Variants in CLSPN observed in about 807,000 individuals in gnomAD.
The protein encoded by CLSPN is claspin homolog.
In CLSPN, 85 loss-of-function variants were observed where a neutral mutation model predicts 156.3. That is an observed-to-expected ratio of 0.54 (90% CI 0.46 to 0.65). CLSPN has a LOEUF of 0.65. CLSPN is among the 30% of genes least tolerant of loss of function. CLSPN has a pLI of 0.00. For synonymous variants in CLSPN, 534 were observed against 542.4 expected (o/e 0.98, Z 0.22); for missense variants, 1,407 against 1,554.9 (o/e 0.90, Z 1.60).
chr1:35,736,763 A>T, intron 24 of CLSPN, 151 bp downstream of exon 24: 1 of 1,299,222 alleles, frequency 7.7e-7, no homozygotes, highest in Non-Finnish European at 1.0e-6. Flanking sequence ...TTGATTACCG[A>T]CTGGGGTAGC....
rs74064283 is a variant in CLSPN, at chr1:35,737,151, C to G, written c.3748-76G>C. 1.0e-5 allele frequency: 15 copies of G among 1,451,650 alleles called. No individual in the cohort carries two copies. The African/African-American group carries it at 2.1e-4, about 20-fold the overall frequency. 89.9% of individuals were successfully genotyped at this position (1,451,650 alleles called of 1,614,324 possible). A position where few individuals can be genotyped will look rare whatever the true frequency, so the allele number is the denominator to read the frequency against. On this transcript the variant is annotated intron_variant, in intron 23 of 24. Coordinates refer to ENST00000318121, the MANE Select transcript of CLSPN (RefSeq NM_022111.4). The stretch of plus-strand genomic sequence containing the variant: ...ATGAAAAGTCCTTCCCTCCCTGCTT[C>G]CCCCTAGATATTGAGGGTACATATG...
chr1:35,741,208 CA>C (rs1641678282), intron 18 of CLSPN, among the ~76,000 whole-genome samples: 1 of 152,054 alleles, frequency 6.6e-6, no homozygotes, highest in Non-Finnish European at 1.5e-5. Context: ...GTACAAATCT[CA>C]ACTATATAAA....
rs1641963567 is a variant in CLSPN, at chr1:35,748,389, A to T, written c.2472+16T>A. The T allele has an allele frequency of 6.2e-7, 1 of 1,610,762 alleles. No individual in the cohort carries two copies. The highest frequency in any genetic ancestry group is 1.3e-5 in the African/African-American group (1 of 74,816). ...GCAAAGAGAGGAGGAGATTAGAAAA[A>T]CCATTACCATCTTACCTTAGAAGCT... is the stretch of plus-strand genomic sequence containing the variant. On this transcript the variant is annotated intron_variant, in intron 13 of 24. Coordinates refer to ENST00000318121, the MANE Select transcript of CLSPN (RefSeq NM_022111.4).
Position 35,748,621 on chromosome 1 carries a change from AC to A in CLSPN, c.2273-18del. 6.2e-7 allele frequency: 1 copy of A among 1,600,976 alleles called. No individual in the cohort carries two copies. ...CATCCTCATCTAAAGAAAGAGAAAC[AC>A]CTTTTAAGCACATGATTACAGAAAT... On this transcript the variant is annotated intron_variant, in intron 12 of 24. Coordinates refer to ENST00000318121, the MANE Select transcript of CLSPN (RefSeq NM_022111.4).
Position 35,734,291 on chromosome 1 carries a change from A to C in CLSPN, c.*2205T>G. The C allele has an allele frequency of 1.0e-6, 1 of 985,192 alleles. No homozygotes were observed. The highest frequency in any genetic ancestry group is 1.2e-6 in the Non-Finnish European group (1 of 829,678). The allele number at this position is 985,192 out of a possible 1,614,324, so 61.0% of individuals were successfully genotyped here. A position where few individuals can be genotyped will look rare whatever the true frequency, so the allele number is the denominator to read the frequency against. ...TAAGATTTATTGAAAAACTACATACATATTAAAACATCTTTATACACATTT... is the reference window on the plus strand; with the variant it reads ...TAAGATTTATTGAAAAACTACATACCTATTAAAACATCTTTATACACATTT... On this transcript the variant is annotated 3_prime_UTR_variant, in exon 25 of 25. Coordinates refer to ENST00000318121, the MANE Select transcript of CLSPN (RefSeq NM_022111.4).
chr1:35,759,991 G>A lies in CLSPN; in HGVS notation c.1579+351C>T, dbSNP rs371106261. On this transcript the variant is annotated intron_variant, in intron 8 of 24. Transcript: ENST00000318121. ...TAGGACTACAGATGCGTGCCACCATGCCCGGCTAATTTTTGTATTTTTAGT... is the reference window on the plus strand; with the variant it reads ...TAGGACTACAGATGCGTGCCACCATACCCGGCTAATTTTTGTATTTTTAGT... Among the ~76,000 whole-genome samples, 24 of 152,080 alleles carry A rather than the reference G, an allele frequency of 1.6e-4. 2 individuals are homozygous for A. Among genetic ancestry groups the A allele is most frequent in the East Asian group, 1.5e-3 (8 of 5,174 alleles).
At chr1:35,731,074 C>T (rs1280891775), downstream of CLSPN, among the ~76,000 whole-genome samples, 3 of 151,760 alleles carry the variant, frequency 2.0e-5, no homozygotes, top group African/African-American at 7.3e-5. Context: ...GTGGCGCATG[C>T]CTGTAATCCC....
chr1:35,729,138 G>A (rs970688809), downstream of CLSPN, among the ~76,000 whole-genome samples: 3 of 151,884 alleles, frequency 2.0e-5, no homozygotes, highest in African/African-American at 7.3e-5. Flanking sequence ...TGGGCAGTCA[G>A]CCTTTTTCCT....
At chr1:35,729,917 A>C (rs780397230), downstream of CLSPN, among the ~76,000 whole-genome samples, 3 of 152,226 alleles carry the variant, frequency 2.0e-5, no homozygotes, top group Non-Finnish European at 2.9e-5. Context: ...CAGTTGAGGA[A>C]AAAAGAGACT....
chr1:35,726,315 G>A (rs532937556), intron 24 of CLSPN, among the ~76,000 whole-genome samples: 2 of 152,246 alleles, frequency 1.3e-5, no homozygotes, highest in African/African-American at 4.8e-5. Context: ...TAGTATGCTT[G>A]CTGCTGTCAC....
chr1:35,757,491 C>T (rs1642311921), intron 8 of CLSPN, among the ~76,000 whole-genome samples: 1 of 152,160 alleles, frequency 6.6e-6, no homozygotes, highest in Non-Finnish European at 1.5e-5. Context: ...CTGTGTAGGT[C>T]CCTTTATAAG....
intron 16 of CLSPN, among the ~76,000 whole-genome samples, chr1:35,744,140 T>G (rs904993002): frequency 1.3e-5 from 2 of 152,190 alleles, no homozygotes; most frequent in African/African-American, 4.8e-5. Flanking sequence ...ACTCTCCATT[T>G]CCTTATAACC....
In CLSPN at chr1:35,734,859, T is replaced by C. The variant is rs970296199; in HGVS notation, c.*1637A>G. 14 of 985,436 alleles carry C rather than the reference T, an allele frequency of 1.4e-5. No individual in the cohort carries two copies. The African/African-American group carries it at 1.6e-4, about 11-fold the overall frequency. The allele number at this position is 985,436 out of a possible 1,614,324, so 61.0% of individuals were successfully genotyped here. A position where few individuals can be genotyped will look rare whatever the true frequency, so the allele number is the denominator to read the frequency against. ...TGACACTGAAACCACAGTATTCACATGGAATGTTTTTCCAAAGCAGCACTG... is the reference window on the plus strand; with the variant it reads ...TGACACTGAAACCACAGTATTCACACGGAATGTTTTTCCAAAGCAGCACTG... On this transcript the variant is annotated 3_prime_UTR_variant, in exon 25 of 25. Transcript: ENST00000318121.
chr1:35,759,080 A>G (rs1207356564), intron 8 of CLSPN, among the ~76,000 whole-genome samples: 1 of 152,222 alleles, frequency 6.6e-6, no homozygotes, highest in Non-Finnish European at 1.5e-5. Flanking sequence ...CTCAAGGCAG[A>G]GTGGGGAGCA....
At position 35,766,580 on chromosome 1, in the gene CLSPN, G is replaced by T. The variant is rs573106536; in HGVS notation, c.25-1254C>A. Reference sequence around the variant, plus strand: ...CTGCCTCAGCCTCCCGAGTAGCTGGGATTACAGGCATGTGTCACCACGTCT... The same window carrying T: ...CTGCCTCAGCCTCCCGAGTAGCTGGTATTACAGGCATGTGTCACCACGTCT... On this transcript the variant is annotated intron_variant, in intron 1 of 24. Transcript: ENST00000318121. 9.2e-5 allele frequency among the ~76,000 whole-genome samples: 14 copies of T among 151,980 alleles called. No individual in the cohort carries two copies. The South Asian group carries it at 2.3e-3, about 25-fold the overall frequency.
chr1:35,751,773 C>G (rs1642094100), intron 9 of CLSPN, among the ~76,000 whole-genome samples: 1 of 148,798 alleles, frequency 6.7e-6, no homozygotes, highest in Admixed American at 6.7e-5. Flanking sequence ...AGCTTCAAGT[C>G]TGTGGCTCAA....
At chr1:35,765,677 G>A (rs1273895377) in intron 1 of CLSPN, among the ~76,000 whole-genome samples, 1 of 152,114 alleles carries the variant, frequency 6.6e-6, no homozygotes, top group East Asian at 1.9e-4. Context: ...ATTAATAAAT[G>A]ATAGAATTAG....
At chr1:35,745,336 G>A in intron 16 of CLSPN, 115 bp downstream of exon 16, 2 of 710,392 alleles carry the variant, frequency 2.8e-6, no homozygotes, top group Admixed American at 2.3e-5. Flanking sequence ...GCATATATGA[G>A]ACTCAAATCC....
At chr1:35,739,591 C>A in intron 18 of CLSPN, 62 bp from the exon 19 acceptor site, 2 of 1,259,590 alleles carry the variant, frequency 1.6e-6, no homozygotes, top group South Asian at 1.4e-5. Context: ...AATATGGAAG[C>A]AAAGAAAAGC....
Sources: allele counts gnomAD v4.1 joint callset (sites outside exome capture counted in the v4.1 genomes callset), GRCh38; gene constraint gnomAD v4.1.1; transcripts MANE v1.5; gene names NCBI Gene and HGNC (gene_info 2026-07-23, HGNC 2026-07-21).